Variants in ADCY10 observed in about 807,000 individuals in gnomAD.
ADCY10 encodes adenylate cyclase type 10.
Under a neutral mutation model 183.3 loss-of-function variants are expected in ADCY10, and 156 were observed. That is an observed-to-expected ratio of 0.85 (90% CI 0.75 to 0.97). The LOEUF is 0.97. Among genes scored for constraint, ADCY10 ranks in the 50% least tolerant of loss-of-function variants. The probability of loss-of-function intolerance (pLI) is 0.00; values close to 1 mark genes in which losing one functional copy is unlikely to be tolerated. For missense variants in ADCY10, 1,745 were observed against 1,934.3 expected (o/e 0.90, Z 1.84); for synonymous variants, 645 against 670.0 (o/e 0.96, Z 0.58).
At position 167,823,139 on chromosome 1, in the gene ADCY10, G is replaced by A. The variant is rs1306826698; in HGVS notation, c.4053-16C>T. On this transcript the variant is annotated splice_polypyrimidine_tract_variant and intron_variant, in intron 28 of 32. Transcript: ENST00000367851. ...TTGCGGGTATCTATGGAAAAGAAAA[G>A]GTAGTGGCCATTAAAAAGTGGTGGA... is the stretch of plus-strand genomic sequence containing the variant. The A allele has an allele frequency of 4.4e-6, 7 of 1,608,462 alleles. No homozygotes were observed. Among genetic ancestry groups the A allele is most frequent in the African/African-American group, 1.3e-5 (1 of 74,806 alleles).
At chr1:167,824,594 T>C in intron 27 of ADCY10, 22 bp from the exon 28 acceptor site, 1 of 1,613,980 alleles carries the variant, frequency 6.2e-7, no homozygotes, top group Non-Finnish European at 8.5e-7. Flanking sequence ...ACAATTCCAG[T>C]ATATTGTGGG....
chr1:167,884,719 A>AC (rs1268793762), intron 8 of ADCY10, among the ~76,000 whole-genome samples: 122 of 119,506 alleles, frequency 1.0e-3, no homozygotes, highest in African/African-American at 3.9e-3. Context: ...TTTTTTTGAG[A>AC]CGGAGTCTCG....
At chr1:167,879,403 C>T (rs765390995) in intron 11 of ADCY10, among the ~76,000 whole-genome samples, 49 of 152,096 alleles carry the variant, frequency 3.2e-4, no homozygotes, top group Non-Finnish European at 1.2e-4. Flanking sequence ...AACTTGAATA[C>T]TTCTGAACAA....
intron 13 of ADCY10, among the ~76,000 whole-genome samples, chr1:167,871,443 AC>A (rs1471310184): frequency 6.6e-6 from 1 of 152,238 alleles, no homozygotes; most frequent in East Asian, 1.9e-4. Flanking sequence ...AATAAAAATC[AC>A]CTTGGGTTAC....
At chr1:167,903,752 G>T in intron 3 of ADCY10, 135 bp downstream of exon 3, 1 of 687,900 alleles carries the variant, frequency 1.5e-6, no homozygotes. Context: ...TTTCAAAAAA[G>T]ACTGGTTTTA....
Position 167,883,499 on chromosome 1 carries a change from G to A in ADCY10, c.958C>T (p.His320Tyr), listed in dbSNP as rs376092068. The A allele has an allele frequency of 1.1e-5, 18 of 1,614,116 alleles. No individual in the cohort carries two copies. Among genetic ancestry groups the A allele is most frequent in the Non-Finnish European group, 1.4e-5 (16 of 1,180,048 alleles). The part of the protein sequence containing the change: ...IGPAIQDAYM[H>Y]ITSVLKIFQG... Reference sequence around the variant, plus strand: ...AAGATCTTCAGGACAGAAGTGATGTGCATATAGGCATCCTGGATGGCTGGG... The same window carrying A: ...AAGATCTTCAGGACAGAAGTGATGTACATATAGGCATCCTGGATGGCTGGG... The change falls in exon 9 of 33, where the codon CAC becomes TAC. Residue 320 changes from histidine to tyrosine, a missense_variant. By Grantham distance (83) the His-to-Tyr change is moderately conservative. Coordinates refer to ENST00000367851, the MANE Select transcript of ADCY10 (RefSeq NM_018417.6).
At chr1:167,859,443 C>T (rs151008337) in intron 16 of ADCY10, among the ~76,000 whole-genome samples, 1 of 152,238 alleles carries the variant, frequency 6.6e-6, no homozygotes, top group East Asian at 1.9e-4. Context: ...TAAGTCACTG[C>T]TTGAGGTTGC....
At chr1:167,883,338 T>C in intron 9 of ADCY10, 99 bp downstream of exon 9, 1 of 1,386,250 alleles carries the variant, frequency 7.2e-7, no homozygotes, top group Non-Finnish European at 1.0e-6. Flanking sequence ...ACGCCCAGCC[T>C]CTAGGTTAAA....
chr1:167,838,122 A>G (rs939968098), intron 21 of ADCY10, among the ~76,000 whole-genome samples: 1 of 152,256 alleles, frequency 6.6e-6, no homozygotes, highest in Admixed American at 6.5e-5. Context: ...TACATCTTAT[A>G]GATGCAGTTT....
rs560741472 is a variant in ADCY10, at chr1:167,822,332, G to A, written c.4169-191C>T. ...TGTGTTTGCTGAGTCCTACCTATTG[G>A]GGAGTGTTATGGATATATACTACAG... is the stretch of plus-strand genomic sequence containing the variant. On this transcript the variant is annotated intron_variant, in intron 29 of 32. Transcript: ENST00000367851. 2.6e-5 allele frequency among the ~76,000 whole-genome samples: 4 copies of A among 152,244 alleles called. No homozygotes were observed. In the East Asian group the frequency reaches 5.8e-4, roughly 22 times the overall value.
At chr1:167,846,375 G>T in intron 19 of ADCY10, 112 bp from the exon 20 acceptor site, 1 of 1,320,658 alleles carries the variant, frequency 7.6e-7, no homozygotes, top group Non-Finnish European at 1.1e-6. Flanking sequence ...CTTGTTGCAA[G>T]AAACTCAGCC....
At chr1:167,906,303 A>G (rs116548268) in intron 1 of ADCY10, among the ~76,000 whole-genome samples, 267 of 152,230 alleles carry the variant, frequency 1.8e-3, no homozygotes, top group African/African-American at 6.2e-3. Context: ...TTTAAAAGGA[A>G]AAGTCCTGGC....
chr1:167,854,226 G>T (rs1665715529), intron 18 of ADCY10, 127 bp downstream of exon 18: 2 of 1,152,750 alleles, frequency 1.7e-6, no homozygotes, highest in Non-Finnish European at 2.6e-6. Context: ...AATAATTCCT[G>T]GCTCCCCAGA....
intron 31 of ADCY10, among the ~76,000 whole-genome samples, chr1:167,811,286 A>T (rs1227678981): frequency 6.6e-6 from 1 of 152,242 alleles, no homozygotes; most frequent in African/African-American, 2.4e-5. Context: ...TTGGTCCTAG[A>T]AACAAGTAAA....
At chr1:167,833,930 A>C in intron 24 of ADCY10, 40 bp downstream of exon 24, 2 of 1,488,594 alleles carry the variant, frequency 1.3e-6, no homozygotes, top group Non-Finnish European at 1.9e-6. Flanking sequence ...AAGGCCTAAG[A>C]TATATAACAG....
rs756985055 is a variant in ADCY10 at position 167,856,164 on chromosome 1, C to T, written c.2171+1G>A. The T allele has an allele frequency of 4.3e-6, 7 of 1,613,944 alleles. No individual in the cohort carries two copies. Among genetic ancestry groups the T allele is most frequent in the East Asian group, 4.5e-5 (2 of 44,890 alleles). ...GTTCAGAATAGAAAGAGGTTACTTACGAGTCCAGTTCTTTGGAGATGCAGC... is the reference window on the plus strand; with the variant it reads ...GTTCAGAATAGAAAGAGGTTACTTATGAGTCCAGTTCTTTGGAGATGCAGC... On this transcript the variant is annotated splice_donor_variant, in intron 17 of 32. Transcript: ENST00000367851. LOFTEE classifies it high-confidence loss of function.
At chr1:167,862,958 T>A (rs1230121869) in intron 14 of ADCY10, among the ~76,000 whole-genome samples, 1 of 152,154 alleles carries the variant, frequency 6.6e-6, no homozygotes, top group Non-Finnish European at 1.5e-5. Context: ...GCCCTCATAA[T>A]ATTCCTTATA....
Position 167,902,016 on chromosome 1 carries a change from C to A in ADCY10, c.292G>T (p.Gly98Cys), listed in dbSNP as rs749949612. 9 of 1,613,416 alleles carry A rather than the reference C, an allele frequency of 5.6e-6. No individual in the cohort carries two copies. Among genetic ancestry groups the A allele is most frequent in the Non-Finnish European group, 6.8e-6 (8 of 1,179,938 alleles). The change falls in exon 4 of 33, where the codon GGT becomes TGT. Residue 98 changes from glycine (G) to cysteine (C), a missense_variant and splice_region_variant. Gly to Cys is a radical substitution (Grantham distance 159, BLOSUM62 -3). Transcript: ENST00000367851. ...CTTCTATCTTAGTAAGCCCCCATAC[C>A]TGCAAATTTCAGGATGTCTCCTCCA... ...IFGGDILKFA[G>C]DALLALWRVE...
At chr1:167,863,320 C>G (rs1169001069) in intron 14 of ADCY10, among the ~76,000 whole-genome samples, 1 of 152,138 alleles carries the variant, frequency 6.6e-6, no homozygotes, top group Non-Finnish European at 1.5e-5. Context: ...TGTGAAATCT[C>G]TCGTTCTGTT....
Sources: allele counts gnomAD v4.1 joint callset (sites outside exome capture counted in the v4.1 genomes callset), GRCh38; gene constraint gnomAD v4.1.1; transcripts MANE v1.5; gene names NCBI Gene and HGNC (gene_info 2026-07-23, HGNC 2026-07-21).